The following POU6F2 variants were observed in gnomAD, a reference collection of about 807,000 sequenced individuals.
POU6F2 encodes POU class 6 homeobox 2.
A neutral mutation model predicts 71.3 loss-of-function variants in POU6F2; 31 were observed. The ratio of observed to expected loss-of-function variants is 0.43; its 90% CI spans 0.33 to 0.59. POU6F2 has a LOEUF of 0.59. POU6F2 is among the 20% of genes least tolerant of loss of function. POU6F2 has a pLI of 0.04. For missense variants in POU6F2, 783 were observed against 856.8 expected, an observed-to-expected ratio of 0.91 and a Z score of 1.07; for synonymous variants, 347 against 355.7, an observed-to-expected ratio of 0.98 and a Z score of 0.27.
intron 2 of POU6F2, among the ~76,000 whole-genome samples, chr7:39,174,650 A>G (rs1009864842): frequency 2.0e-5 from 3 of 151,412 alleles, no homozygotes; most frequent in Non-Finnish European, 4.4e-5. Flanking sequence ...CTCTCTCCTC[A>G]GTCTTCACCT....
At chr7:39,250,272 C>T (rs1204704994) in intron 4 of POU6F2, among the ~76,000 whole-genome samples, 1 of 152,174 alleles carries the variant, frequency 6.6e-6, no homozygotes. Context: ...GACTGTGCAG[C>T]CCACCCAAAC....
At chr7:39,320,392 CT>C (rs1282753615) in intron 4 of POU6F2, among the ~76,000 whole-genome samples, 3 of 152,056 alleles carry the variant, frequency 2.0e-5, no homozygotes, top group Non-Finnish European at 4.4e-5. Context: ...TCTGGATGAA[CT>C]TTAGAAGGGT....
At chr7:39,034,710 A>G (rs1790020834) in intron 1 of POU6F2, among the ~76,000 whole-genome samples, 1 of 152,164 alleles carries the variant, frequency 6.6e-6, no homozygotes, top group Non-Finnish European at 1.5e-5. Flanking sequence ...TTTCAGGTCA[A>G]GAGTAGATTG....
chr7:39,125,860 C>G (rs1792129028), intron 2 of POU6F2, among the ~76,000 whole-genome samples: 1 of 152,122 alleles, frequency 6.6e-6, no homozygotes, highest in Non-Finnish European at 1.5e-5. Flanking sequence ...ATAATCAAAA[C>G]AAAGAATAGC....
At chr7:39,463,948 C>A (rs1413010067) in intron 9 of POU6F2, among the ~76,000 whole-genome samples, 3 of 152,192 alleles carry the variant, frequency 2.0e-5, no homozygotes, top group Non-Finnish European at 4.4e-5. Flanking sequence ...ATAGCTCATG[C>A]ATCCTGCTGT....
chr7:39,256,087 G>A (rs2128753563), intron 4 of POU6F2, among the ~76,000 whole-genome samples: 1 of 151,786 alleles, frequency 6.6e-6, no homozygotes, highest in South Asian at 2.1e-4. Context: ...TACATTCCTT[G>A]AATCCCCCAG....
At chr7:39,331,374 T>C (rs1217587451) in intron 4 of POU6F2, among the ~76,000 whole-genome samples, 1 of 152,220 alleles carries the variant, frequency 6.6e-6, no homozygotes, top group Admixed American at 6.5e-5. Context: ...AAGGCTGTCT[T>C]AGTTTGAAAT....
intron 4 of POU6F2, among the ~76,000 whole-genome samples, chr7:39,319,758 A>G (rs1785347345): frequency 6.6e-6 from 1 of 152,250 alleles, no homozygotes; most frequent in Admixed American, 6.5e-5. Flanking sequence ...CTGCAGGGAC[A>G]TAAACCAGCT....
intron 6 of POU6F2, among the ~76,000 whole-genome samples, chr7:39,421,093 A>T (rs1787839617): frequency 6.6e-6 from 1 of 152,118 alleles, no homozygotes; most frequent in Non-Finnish European, 1.5e-5. Flanking sequence ...AAACTGCCTA[A>T]TCATTAGGGA....
chr7:39,210,654 A>G (rs1794123161), intron 4 of POU6F2, among the ~76,000 whole-genome samples: 1 of 152,064 alleles, frequency 6.6e-6, no homozygotes, highest in African/African-American at 2.4e-5. Context: ...GTCATATCAC[A>G]ATCTCCTCTT....
In POU6F2 at chr7:39,213,701, A is replaced by T. The variant is rs565033637; in HGVS notation, c.598+6081A>T. Among the ~76,000 whole-genome samples, 15 of 152,356 alleles carry T rather than the reference A, an allele frequency of 9.8e-5. No homozygotes were observed. In the South Asian group the frequency reaches 1.9e-3, roughly 19 times the overall value. ...GAGGTTCATCCATGTTGTCGTGTAT[A>T]CAACAGTATAGTAGTTCCTTTCTGT... On this transcript the variant is annotated intron_variant, in intron 4 of 9. Transcript: ENST00000518318.
chr7:39,416,449 A>T (rs1787678090), intron 6 of POU6F2, among the ~76,000 whole-genome samples: 1 of 152,182 alleles, frequency 6.6e-6, no homozygotes, highest in Non-Finnish European at 1.5e-5. Context: ...AGAAAACCCT[A>T]TCCCAGTGAA....
At chr7:39,014,335 C>T (rs1789414841) in intron 1 of POU6F2, among the ~76,000 whole-genome samples, 1 of 152,092 alleles carries the variant, frequency 6.6e-6, no homozygotes, top group African/African-American at 2.4e-5. Context: ...AGGTCTCTTC[C>T]AGCTAACTGG....
intron 1 of POU6F2, among the ~76,000 whole-genome samples, chr7:38,983,121 G>A (rs914776131): frequency 1.3e-5 from 2 of 152,086 alleles, no homozygotes; most frequent in African/African-American, 4.8e-5. Flanking sequence ...TGATTGAGTA[G>A]AAAATAAAGT....
chr7:39,451,817 G>C (rs1327267373), intron 8 of POU6F2, 116 bp downstream of exon 8: 10 of 1,302,246 alleles, frequency 7.7e-6, no homozygotes, highest in Non-Finnish European at 1.1e-5. Flanking sequence ...TCTCAACCCT[G>C]CACAGGAATT....
At chr7:39,251,089 G>C (rs778427819) in intron 4 of POU6F2, among the ~76,000 whole-genome samples, 3 of 152,154 alleles carry the variant, frequency 2.0e-5, no homozygotes, top group Non-Finnish European at 4.4e-5. Context: ...ATTCATTTAC[G>C]TAAATCTAAA....
At chr7:39,101,255 G>C (rs550578006) in intron 2 of POU6F2, among the ~76,000 whole-genome samples, 2 of 151,708 alleles carry the variant, frequency 1.3e-5, no homozygotes, top group Admixed American at 6.6e-5. Context: ...TGTATTTTTG[G>C]TAGAGACGGG....
intron 5 of POU6F2, chr7:39,373,401 A>G: frequency 2.2e-6 from 1 of 456,332 alleles, no homozygotes; most frequent in Non-Finnish European, 4.4e-6. Context: ...GATAATTAGT[A>G]TGCCAAGAGC....
intron 5 of POU6F2, among the ~76,000 whole-genome samples, chr7:39,342,403 T>C (rs74825863): frequency 0.011 from 1,662 of 152,348 alleles, 22 homozygotes; most frequent in African/African-American, 0.037. Flanking sequence ...ATGATCTTTA[T>C]AAAGTGTTTT....
Sources: allele counts gnomAD v4.1 joint callset (sites outside exome capture counted in the v4.1 genomes callset), GRCh38; gene constraint gnomAD v4.1.1; transcripts MANE v1.5; gene names NCBI Gene and HGNC (gene_info 2026-07-23, HGNC 2026-07-21).